CAMKK2: variants seen among roughly 807,000 people sequenced by gnomAD.
CAMKK2 encodes the protein calcium/calmodulin dependent protein kinase kinase 2.
In CAMKK2, 30 loss-of-function variants were observed where a neutral mutation model predicts 67.2. The ratio of observed to expected loss-of-function variants is 0.45; its 90% CI spans 0.33 to 0.61. The LOEUF is 0.61. Ranked by LOEUF, CAMKK2 falls within the 20% of genes least tolerant of loss-of-function variation. The pLI is 0.02. For missense variants in CAMKK2, 643 were observed against 802.0 expected (o/e 0.80, Z 2.39); for synonymous variants, 322 against 326.2 (o/e 0.99, Z 0.14).
At chr12:121,255,678 G>A (rs200506645) in intron 8 of CAMKK2, 40 bp from the exon 9 acceptor site, 13 of 1,606,366 alleles carry the variant, frequency 8.1e-6, no homozygotes, top group African/African-American at 2.7e-5. Context: ...AAGCAGACCC[G>A]CCAGCCCTTG....
At chr12:121,254,009 A>T (rs1019981205) in intron 9 of CAMKK2, among the ~76,000 whole-genome samples, 13 of 152,216 alleles carry the variant, frequency 8.5e-5, no homozygotes, top group African/African-American at 3.1e-4. Flanking sequence ...GGAAGACCCA[A>T]CTGCCATTTC....
At chr12:121,264,135 C>G (rs1894034951) in intron 5 of CAMKK2, among the ~76,000 whole-genome samples, 196 bp from the exon 6 acceptor site, 1 of 152,218 alleles carries the variant, frequency 6.6e-6, no homozygotes. Flanking sequence ...GAGGGCGGAG[C>G]CCTCGGCCGT....
chr12:121,276,891 A>C (rs1896913414), intron 1 of CAMKK2, among the ~76,000 whole-genome samples: 1 of 77,488 alleles, frequency 1.3e-5, no homozygotes. Context: ...TCTCAAAAAA[A>C]AAGGGCGGGG....
intron 11 of CAMKK2, 38 bp downstream of exon 11, chr12:121,252,623 C>T (rs201764648): frequency 2.5e-6 from 4 of 1,597,670 alleles, no homozygotes; most frequent in Non-Finnish European, 3.4e-6. Context: ...CAGGGGCCAC[C>T]CAGCAGTACT....
chr12:121,240,645 A>G lies in CAMKK2; in HGVS notation c.*54T>C. On this transcript the variant is annotated 3_prime_UTR_variant, in exon 17 of 17. Coordinates refer to ENST00000404169, the MANE Select transcript of CAMKK2 (RefSeq NM_001270485.2). The surrounding 1 kb of genome is among the most constrained non-coding windows in gnomAD (Gnocchi z 4.4). The stretch of plus-strand genomic sequence containing the variant: ...ACATGCTGCTATGGAAACGCGGTGC[A>G]GCAGCCCCCCAGAGGCGACGCGGCG... 1 of 1,542,728 alleles carries G rather than the reference A, an allele frequency of 6.5e-7. No homozygotes were observed. Among genetic ancestry groups the G allele is most frequent in the Middle Eastern group, 1.8e-4 (1 of 5,584 alleles).
chr12:121,240,912 G>T lies in CAMKK2; in HGVS notation c.1597-43C>A. 6.3e-7 allele frequency: 1 copy of T among 1,599,518 alleles called. No homozygotes were observed. ...AACCAACATTAAGACTCTGAGAAAT[G>T]CCAGCGAGGCCCTGAGCCAGCTGCT... On this transcript the variant is annotated intron_variant, in intron 16 of 16. Coordinates refer to ENST00000404169, the MANE Select transcript of CAMKK2 (RefSeq NM_001270485.2). The surrounding 1 kb of genome is among the most constrained non-coding windows in gnomAD (Gnocchi z 4.4).
chr12:121,264,498 G>A (rs946120887), intron 5 of CAMKK2, among the ~76,000 whole-genome samples: 11 of 152,074 alleles, frequency 7.2e-5, no homozygotes, highest in African/African-American at 2.7e-4. Context: ...ATTAGGGCCG[G>A]GCACAGTGCC....
chr12:121,253,227 C>T lies in CAMKK2; in HGVS notation c.1107+46G>A. 6.5e-7 allele frequency: 1 copy of T among 1,543,110 alleles called. No homozygotes were observed. Among genetic ancestry groups the T allele is most frequent in the Non-Finnish European group, 9.0e-7 (1 of 1,116,750 alleles). On this transcript the variant is annotated intron_variant, in intron 10 of 16. Coordinates refer to ENST00000404169, the MANE Select transcript of CAMKK2 (RefSeq NM_001270485.2). The surrounding 1 kb of genome is among the most constrained non-coding windows in gnomAD (Gnocchi z 5.0). ...TTTCTGCTGCTTACAATCCAGAAGA[C>T]ACTAACACAGGCAGAACTCTGTGGC... is the stretch of plus-strand genomic sequence containing the variant.
chr12:121,293,093 T>C (rs910154892), intron 1 of CAMKK2, among the ~76,000 whole-genome samples: 18 of 152,126 alleles, frequency 1.2e-4, no homozygotes, highest in Admixed American at 1.2e-3. Context: ...CTGGCTAACA[T>C]GGTGAAACCC....
chr12:121,295,808 G>A (rs1901036931), intron 1 of CAMKK2, among the ~76,000 whole-genome samples: 1 of 152,222 alleles, frequency 6.6e-6, no homozygotes, highest in South Asian at 2.1e-4. Context: ...CTAAGTGAGA[G>A]TGGCCAGGAG....
intron 6 of CAMKK2, among the ~76,000 whole-genome samples, chr12:121,260,952 CAA>C (rs1056645998): frequency 3.9e-4 from 36 of 91,924 alleles, no homozygotes; most frequent in Admixed American, 7.7e-4. Flanking sequence ...GACTCTGTCT[CAA>C]AAAAAAAAAA....
At chr12:121,259,569 C>T (rs1019752684) in intron 7 of CAMKK2, among the ~76,000 whole-genome samples, 1 of 152,152 alleles carries the variant, frequency 6.6e-6, no homozygotes, top group African/African-American at 2.4e-5. Flanking sequence ...TCTCCCCAAA[C>T]TTCATTTATT....
intron 1 of CAMKK2, among the ~76,000 whole-genome samples, chr12:121,282,924 T>A (rs985013348): frequency 4.6e-5 from 7 of 152,018 alleles, no homozygotes; most frequent in African/African-American, 1.7e-4. Flanking sequence ...CCGGCTAATT[T>A]TTGTATTTTT....
chr12:121,281,940 C>T (rs1897880078), intron 1 of CAMKK2, among the ~76,000 whole-genome samples: 1 of 152,022 alleles, frequency 6.6e-6, no homozygotes, highest in East Asian at 1.9e-4. Flanking sequence ...AGCGAGAGTC[C>T]ATCTTGAAAA....
intron 7 of CAMKK2, among the ~76,000 whole-genome samples, chr12:121,257,994 C>T (rs1302777364): frequency 6.6e-6 from 1 of 151,170 alleles, no homozygotes; most frequent in Non-Finnish European, 1.5e-5. Context: ...AATTTTTTAA[C>T]CTCTAGAAAT....
chr12:121,274,728 T>C, intron 1 of CAMKK2, 143 bp from the exon 2 acceptor site: 1 of 572,878 alleles, frequency 1.7e-6, no homozygotes, highest in South Asian at 2.3e-5. Context: ...TGGTGTGATC[T>C]GATCTCTGAG....
At chr12:121,263,660 A>C in intron 6 of CAMKK2, 146 bp downstream of exon 6, 1 of 571,042 alleles carries the variant, frequency 1.8e-6, no homozygotes, top group South Asian at 5.2e-5. Context: ...GTGAGTAACA[A>C]ATACTCTTAG....
intron 1 of CAMKK2, among the ~76,000 whole-genome samples, chr12:121,277,262 G>A (rs113325539): frequency 2.6e-3 from 395 of 152,298 alleles, no homozygotes; most frequent in African/African-American, 8.5e-3. Flanking sequence ...CCAATCATGC[G>A]GCAAGATGTT....
rs1393025790 is a variant in CAMKK2 at position 121,260,369 on chromosome 12, C to T, written c.760-14G>A. 2 of 1,611,002 alleles carry T rather than the reference C, an allele frequency of 1.2e-6. No individual in the cohort carries two copies. The highest frequency in any genetic ancestry group is 1.7e-6 in the Non-Finnish European group (2 of 1,178,812). On this transcript the variant is annotated splice_polypyrimidine_tract_variant and intron_variant, in intron 6 of 16. Transcript: ENST00000404169. ...GTCATCCAGGACCTTGGCACAGCCA[C>T]ATGGAATAGGCAGGAGACGGATGGC... is the stretch of plus-strand genomic sequence containing the variant.
Sources: gnomAD v4.1 joint callset for allele counts (sites outside exome capture counted in the v4.1 genomes callset) on GRCh38, gnomAD v4.1.1 for gene constraint, Gnocchi (gnomAD v3.1) non-coding constraint, MANE v1.5 for transcripts, NCBI Gene and HGNC (gene_info 2026-07-23, HGNC 2026-07-21) for gene names.